TMEM108: variants seen among roughly 807,000 people sequenced by gnomAD.
TMEM108 encodes the protein transmembrane protein 108, also known as cancer/testis antigen 124.
TMEM108 carries 12 observed loss-of-function variants against 35.1 expected under a neutral mutation model. The observed-to-expected ratio is 0.34, with a 90% CI of 0.22 to 0.55. TMEM108 has a LOEUF of 0.55. TMEM108 is among the 20% of genes least tolerant of loss of function. TMEM108 has a pLI of 0.89. For synonymous variants in TMEM108, 287 were observed against 308.6 expected (o/e 0.93, Z 0.73); for missense variants, 680 against 753.3 (o/e 0.90, Z 1.14).
At chr3:133,243,858 G>A (rs1283027680) in intron 3 of TMEM108, among the ~76,000 whole-genome samples, 1 of 152,224 alleles carries the variant, frequency 6.6e-6, no homozygotes. Flanking sequence ...TAGGTTGGGC[G>A]GTCCCTAGAA....
chr3:133,353,542 C>T (rs1013404243), intron 3 of TMEM108, among the ~76,000 whole-genome samples: 3 of 152,174 alleles, frequency 2.0e-5, no homozygotes, highest in African/African-American at 2.4e-5. Context: ...CTGTATCTGC[C>T]TTTGCCTGTG....
At chr3:133,127,928 T>A (rs1277224805) in intron 2 of TMEM108, among the ~76,000 whole-genome samples, 1 of 152,242 alleles carries the variant, frequency 6.6e-6, no homozygotes, top group African/African-American at 2.4e-5. Context: ...AAACTTTACT[T>A]CCTGTTCACC....
chr3:133,173,597 G>A (rs949726473), intron 2 of TMEM108, among the ~76,000 whole-genome samples: 3 of 152,232 alleles, frequency 2.0e-5, no homozygotes, highest in African/African-American at 7.2e-5. Context: ...GAGGTAGCAT[G>A]CAATGTGGTC....
intron 2 of TMEM108, among the ~76,000 whole-genome samples, chr3:133,209,000 G>A (rs1260094447): frequency 2.0e-5 from 3 of 152,140 alleles, no homozygotes; most frequent in Admixed American, 6.5e-5. Flanking sequence ...CTATCTTGCA[G>A]TATAGACGTT....
At chr3:133,101,030 T>C (rs1035162420) in intron 2 of TMEM108, among the ~76,000 whole-genome samples, 5 of 152,224 alleles carry the variant, frequency 3.3e-5, no homozygotes, top group Non-Finnish European at 7.3e-5. Context: ...GAAATATCCA[T>C]CATTTAGATG....
At chr3:133,233,936 A>G (rs1196369963) in intron 3 of TMEM108, among the ~76,000 whole-genome samples, 4 of 151,414 alleles carry the variant, frequency 2.6e-5, no homozygotes, top group African/African-American at 4.8e-5. Flanking sequence ...GATTCTGGAT[A>G]TTAGCCCTTT....
chr3:133,188,325 GC>G (rs1283514689), intron 2 of TMEM108, among the ~76,000 whole-genome samples: 1 of 152,028 alleles, frequency 6.6e-6, no homozygotes, highest in Non-Finnish European at 1.5e-5. Context: ...ATTATAGGGG[GC>G]CCTTTCTCCT....
intron 3 of TMEM108, among the ~76,000 whole-genome samples, chr3:133,301,767 A>G (rs1435154397): frequency 6.6e-6 from 1 of 152,160 alleles, no homozygotes; most frequent in African/African-American, 2.4e-5. Context: ...TTCATCCCAT[A>G]TTCCTAATAT....
At chr3:133,349,444 A>G (rs979791220) in intron 3 of TMEM108, among the ~76,000 whole-genome samples, 2 of 152,210 alleles carry the variant, frequency 1.3e-5, no homozygotes, top group African/African-American at 2.4e-5. Flanking sequence ...GCAAAAATAG[A>G]CAAATAGGAT....
Position 133,280,165 on chromosome 3 carries a change from C to T in TMEM108, c.40+50814C>T, listed in dbSNP as rs141574923. ...CTGAAGCAGGGCAGACGAGATGCTG[C>T]CTATCTGAGATAGACTCCAAGACAG... On this transcript the variant is annotated intron_variant, in intron 3 of 5. Coordinates refer to ENST00000321871, the MANE Select transcript of TMEM108 (RefSeq NM_023943.4). Among the ~76,000 whole-genome samples the T allele has an allele frequency of 7.7e-3, 1,170 of 152,184 alleles. 18 individuals carry two copies. Among genetic ancestry groups the T allele is most frequent in the African/African-American group, 0.027 (1,103 of 41,498 alleles).
chr3:133,349,099 A>G (rs951930402), intron 3 of TMEM108, among the ~76,000 whole-genome samples: 4 of 152,160 alleles, frequency 2.6e-5, no homozygotes, highest in Admixed American at 6.6e-5. Context: ...AAAAGAAAAT[A>G]TACAGGTGAG....
At chr3:133,120,066 A>ACTT (rs755622741) in intron 2 of TMEM108, among the ~76,000 whole-genome samples, 1 of 152,168 alleles carries the variant, frequency 6.6e-6, no homozygotes, top group Non-Finnish European at 1.5e-5. Context: ...ATAGAGACCA[A>ACTT]CTTCTTCTTC....
intron 3 of TMEM108, among the ~76,000 whole-genome samples, chr3:133,321,200 T>A (rs905912249): frequency 6.6e-6 from 1 of 152,138 alleles, no homozygotes; most frequent in African/African-American, 2.4e-5. Context: ...GATTAAATGT[T>A]CCACTTAAAA....
At chr3:133,144,166 C>A (rs959279737) in intron 2 of TMEM108, among the ~76,000 whole-genome samples, 7 of 151,952 alleles carry the variant, frequency 4.6e-5, no homozygotes, top group Non-Finnish European at 7.4e-5. Flanking sequence ...TGTTCCCCTC[C>A]CTGTGTCCAT....
chr3:133,130,930 CTCTA>C (rs1222861499), intron 2 of TMEM108, among the ~76,000 whole-genome samples: 3 of 152,178 alleles, frequency 2.0e-5, no homozygotes, highest in African/African-American at 4.8e-5. Context: ...ATTTATGACA[CTCTA>C]TCTACTGTTA....
intron 2 of TMEM108, among the ~76,000 whole-genome samples, chr3:133,078,816 A>G (rs1319075047): frequency 1.3e-5 from 2 of 152,118 alleles, no homozygotes; most frequent in African/African-American, 2.4e-5. Flanking sequence ...ATATTTTATC[A>G]TAGTTGGATC....
At chr3:133,219,114 G>T (rs1945951183) in intron 2 of TMEM108, among the ~76,000 whole-genome samples, 1 of 151,998 alleles carries the variant, frequency 6.6e-6, no homozygotes, top group Admixed American at 6.6e-5. Flanking sequence ...CTCTTAGTAG[G>T]TTGTATGTCT....
chr3:133,367,031 T>A (rs904811606), intron 3 of TMEM108, among the ~76,000 whole-genome samples: 1 of 152,204 alleles, frequency 6.6e-6, no homozygotes, highest in African/African-American at 2.4e-5. Context: ...GCCCTCCCCC[T>A]AACAACCTCC....
intron 3 of TMEM108, among the ~76,000 whole-genome samples, chr3:133,254,098 G>A (rs995476012): frequency 6.6e-6 from 1 of 152,126 alleles, no homozygotes; most frequent in Non-Finnish European, 1.5e-5. Flanking sequence ...TGTGCTTTGG[G>A]AGGCTAAGGC....
Sources: gnomAD v4.1 joint callset for allele counts (sites outside exome capture counted in the v4.1 genomes callset) on GRCh38, gnomAD v4.1.1 for gene constraint, MANE v1.5 for transcripts, NCBI Gene and HGNC (gene_info 2026-07-23, HGNC 2026-07-21) for gene names.